OR6B3: variants seen among roughly 807,000 people sequenced by gnomAD.
The protein encoded by OR6B3 is olfactory receptor family 6 subfamily B member 3, also known as olfactory receptor 6B3.
For synonymous variants in OR6B3, 148 were observed against 187.8 expected, an observed-to-expected ratio of 0.79 and a Z score of 1.73; for missense variants, 315 against 427.4, an observed-to-expected ratio of 0.74 and a Z score of 2.32.
chr2:240,045,923 C>A lies in OR6B3; in HGVS notation c.150G>T (p.Trp50Cys), dbSNP rs1559435090. 3.9e-6 allele frequency: 6 copies of A among 1,537,860 alleles called. 1 individual carries two copies. The highest frequency in any genetic ancestry group is 3.6e-6 in the Non-Finnish European group (4 of 1,111,786). ...TGGGCCTGTGGAGGGAGGTGCTGCT[C>A]CAGACGGTGAGGATGATGGCCAGGT... Residue 50 changes from tryptophan to cysteine, a missense_variant, in exon 2 of 2, where the codon TGG (tryptophan) becomes TGT (cysteine). Transcript: ENST00000641019.
At chr2:240,048,775 C>T (rs773822636), upstream of OR6B3, among the ~76,000 whole-genome samples, 165 of 152,356 alleles carry the variant, frequency 1.1e-3, 4 homozygotes, top group Admixed American at 4.1e-3. Context: ...CCCCTCTTCT[C>T]TCTCCTCTTA....
the OR6B3 span, among the ~76,000 whole-genome samples, chr2:240,052,185 T>G: frequency 6.6e-6 from 1 of 152,222 alleles, no homozygotes; most frequent in East Asian, 1.9e-4. This position sits in a 1 kb window ranked among gnomAD's most constrained non-coding sequence, Gnocchi z 4.5. Context: ...AAAAAGTATA[T>G]TGTAAAAATG....
the OR6B3 span, among the ~76,000 whole-genome samples, chr2:240,052,904 T>A: frequency 5.3e-5 from 8 of 152,256 alleles, no homozygotes; most frequent in Non-Finnish European, 1.2e-4. The surrounding 1 kb of genome is among the most constrained non-coding windows in gnomAD (Gnocchi z 4.5). Context: ...CTCCGCCTGC[T>A]GGGTTCAAGC....
upstream of OR6B3, chr2:240,047,046 C>A (rs1698201803): frequency 6.6e-6 from 1 of 152,122 alleles, no homozygotes; most frequent in African/African-American, 2.4e-5. Context: ...AGCAGTGAAC[C>A]CATGTGGACA....
At chr2:240,050,353 T>C (rs1376924042), upstream of OR6B3, among the ~76,000 whole-genome samples, 1 of 152,214 alleles carries the variant, frequency 6.6e-6, no homozygotes, top group East Asian at 1.9e-4. Flanking sequence ...CTGTTTCACT[T>C]ATAAACCTTT....
upstream of OR6B3, among the ~76,000 whole-genome samples, chr2:240,048,720 A>G (rs6756563): frequency 0.016 from 2,415 of 152,288 alleles, 60 homozygotes; most frequent in African/African-American, 0.055. Flanking sequence ...AAGCTGGCAG[A>G]CTGGGTGATG....
the OR6B3 span, among the ~76,000 whole-genome samples, chr2:240,053,227 C>A: frequency 6.6e-6 from 1 of 152,182 alleles, no homozygotes; most frequent in Admixed American, 6.5e-5. The surrounding 1 kb of genome is among the most constrained non-coding windows in gnomAD (Gnocchi z 4.1). Flanking sequence ...TTATCCTGCA[C>A]GTTTCAGAAG....
At chr2:240,051,215 G>C (rs574233226), upstream of OR6B3, among the ~76,000 whole-genome samples, 2 of 152,270 alleles carry the variant, frequency 1.3e-5, no homozygotes, top group Non-Finnish European at 2.9e-5. Context: ...ACAGGGGAAG[G>C]GTTGGCGCTA....
chr2:240,045,295 C>T (rs903569780), exon 2 of OR6B3: 3 of 1,614,160 alleles, frequency 1.9e-6, no homozygotes, highest in Admixed American at 1.7e-5. Context: ...TGGGGCCGGA[C>T]ATACATGAAA....
intron 1 of OR6B3, among the ~76,000 whole-genome samples, chr2:240,046,470 G>C (rs1448912548): frequency 6.6e-6 from 1 of 152,188 alleles, no homozygotes; most frequent in Non-Finnish European, 1.5e-5. Flanking sequence ...GACTGCCCCA[G>C]GCTTCTGGAT....
chr2:240,045,834 T>C (rs777084089), exon 2 of OR6B3: 3 of 1,610,482 alleles, frequency 1.9e-6, no homozygotes, highest in South Asian at 2.2e-5. Context: ...CTCCAGCATC[T>C]TGGGGGTGAT....
chr2:240,045,419 A>G (rs1324347572), exon 2 of OR6B3: 3 of 1,614,218 alleles, frequency 1.9e-6, no homozygotes, highest in Admixed American at 1.7e-5. Context: ...TGATGTGCGC[A>G]TATGACAGCA....
upstream of OR6B3, among the ~76,000 whole-genome samples, chr2:240,047,797 G>C (rs1698212789): frequency 6.6e-6 from 1 of 152,180 alleles, no homozygotes; most frequent in African/African-American, 2.4e-5. Context: ...TGAGAATAAA[G>C]TGTATTGTGC....
At chr2:240,052,097 A>G in the OR6B3 span, among the ~76,000 whole-genome samples, 22 of 152,358 alleles carry the variant, frequency 1.4e-4, no homozygotes, top group African/African-American at 5.3e-4. This position sits in a 1 kb window ranked among gnomAD's most constrained non-coding sequence, Gnocchi z 4.5. Flanking sequence ...TATTATAATT[A>G]AGGGATTTCA....
the OR6B3 span, among the ~76,000 whole-genome samples, chr2:240,053,126 T>C: frequency 6.6e-6 from 1 of 152,208 alleles, no homozygotes; most frequent in Non-Finnish European, 1.5e-5. This position sits in a 1 kb window ranked among gnomAD's most constrained non-coding sequence, Gnocchi z 4.1. Context: ...ACAGATTTTA[T>C]GGTGGGGCAG....
At chr2:240,052,414 A>G in the OR6B3 span, among the ~76,000 whole-genome samples, 1 of 152,058 alleles carries the variant, frequency 6.6e-6, no homozygotes, top group Non-Finnish European at 1.5e-5. The surrounding 1 kb of genome is among the most constrained non-coding windows in gnomAD (Gnocchi z 4.5). Context: ...ATAAAATAAT[A>G]ATTTAATAAA....
At chr2:240,046,177 G>A in intron 1 of OR6B3, 80 bp from the exon 3 acceptor site, 6 of 1,026,876 alleles carry the variant, frequency 5.8e-6, no homozygotes, top group Non-Finnish European at 8.4e-6. Flanking sequence ...CCTGGATAGG[G>A]AGTTTTGGTG....
upstream of OR6B3, among the ~76,000 whole-genome samples, chr2:240,051,256 A>G (rs1698252915): frequency 1.3e-5 from 2 of 152,210 alleles, no homozygotes; most frequent in Middle Eastern, 3.2e-3. Flanking sequence ...TGTTTTATTC[A>G]GTGGTCCTCT....
the OR6B3 span, among the ~76,000 whole-genome samples, chr2:240,052,615 G>A: frequency 2.0e-5 from 3 of 152,178 alleles, no homozygotes; most frequent in African/African-American, 4.8e-5. This position sits in a 1 kb window ranked among gnomAD's most constrained non-coding sequence, Gnocchi z 4.5. Context: ...TTCTTCATAT[G>A]TTACATCAGA....
Sources: allele counts gnomAD v4.1 joint callset (sites outside exome capture counted in the v4.1 genomes callset), GRCh38; gene constraint gnomAD v4.1.1; non-coding constraint Gnocchi (gnomAD v3.1); transcripts MANE v1.5; gene names NCBI Gene and HGNC (gene_info 2026-07-23, HGNC 2026-07-21).